Variants in PRKCH observed in about 807,000 individuals in gnomAD.
PRKCH encodes the protein protein kinase C eta type.
PRKCH carries 28 observed loss-of-function variants against 82.5 expected under a neutral mutation model. The ratio of observed to expected loss-of-function variants is 0.34; its 90% confidence interval spans 0.25 to 0.47. The LOEUF is 0.47. Among genes scored for constraint, PRKCH ranks in the 20% least tolerant of loss-of-function variants. The probability of loss-of-function intolerance (pLI) is 1.00; values close to 1 mark genes in which losing one functional copy is unlikely to be tolerated. For synonymous variants in PRKCH, 322 were observed against 327.4 expected, an observed-to-expected ratio of 0.98 and a Z score of 0.18; for missense variants, 705 against 881.8, an observed-to-expected ratio of 0.80 and a Z score of 2.54.
At chr14:61,528,982 G>GTGTGTGTGTA in intron 10 of PRKCH, 93 bp from the exon 11 acceptor site, 3 of 1,148,246 alleles carry the variant, frequency 2.6e-6, no homozygotes, top group Non-Finnish European at 3.7e-6. Context: ...ACGTGTGTGT[G>GTGTGTGTGTA]TGTGTGTGTG....
intron 2 of PRKCH, among the ~76,000 whole-genome samples, chr14:61,433,890 T>A (rs1258404403): frequency 6.6e-6 from 1 of 152,176 alleles, no homozygotes; most frequent in Non-Finnish European, 1.5e-5. Flanking sequence ...GTAATAAGAT[T>A]TATGATTTTT....
chr14:61,547,684 T>C, intron 12 of PRKCH, 59 bp from the exon 13 acceptor site: 2 of 1,572,002 alleles, frequency 1.3e-6, no homozygotes, highest in Non-Finnish European at 1.7e-6. Context: ...GCCTGCTGTC[T>C]TGTGACGTGC....
chr14:61,329,800 G>T (rs1345762816), intron 1 of PRKCH, among the ~76,000 whole-genome samples: 1 of 152,110 alleles, frequency 6.6e-6, no homozygotes, highest in Non-Finnish European at 1.5e-5. Context: ...CTCTTTTGCC[G>T]CTGTCTCCTC....
At chr14:61,211,910 GTTA>G (rs1309927138) in intron 1 of PRKCH, among the ~76,000 whole-genome samples, 3 of 152,204 alleles carry the variant, frequency 2.0e-5, no homozygotes, top group Non-Finnish European at 4.4e-5. Flanking sequence ...CAAGAGGGCA[GTTA>G]TTATAACTGG....
At position 61,322,113 on chromosome 14, in the gene PRKCH, C is replaced by T. The variant is rs1479681741; in HGVS notation, c.12C>T (p.Gly4=). ...GCAGCGGCGCCGGCATGTCGTCTGG[C>T]ACCATGAAGTTCAATGGCTATTTGA... is the stretch of plus-strand genomic sequence containing the variant. MSS[G]TMKFNGYLRV... The change falls in exon 1 of 14, where the codon GGC becomes GGT. Residue 4 remains glycine (G), a synonymous_variant. Transcript: ENST00000332981. 6.4e-7 allele frequency: 1 copy of T among 1,568,738 alleles called. No homozygotes were observed.
chr14:61,226,058 T>C (rs1451781415), intron 1 of PRKCH, among the ~76,000 whole-genome samples: 1 of 152,150 alleles, frequency 6.6e-6, no homozygotes, highest in Non-Finnish European at 1.5e-5. Context: ...GAAAATTCAT[T>C]TTACCGAAAT....
chr14:61,208,345 C>CA (rs906560078), intron 1 of PRKCH, among the ~76,000 whole-genome samples: 9 of 151,414 alleles, frequency 5.9e-5, no homozygotes, highest in Admixed American at 2.0e-4. Flanking sequence ...CTATAAGGGA[C>CA]AAAAAAAATT....
intron 1 of PRKCH, among the ~76,000 whole-genome samples, chr14:61,239,945 G>A (rs1290147845): frequency 6.6e-6 from 1 of 152,106 alleles, no homozygotes; most frequent in Non-Finnish European, 1.5e-5. Context: ...CCACACAATT[G>A]TATATTTTAC....
At chr14:61,331,529 AAAC>A (rs898734393) in intron 1 of PRKCH, among the ~76,000 whole-genome samples, 6 of 152,234 alleles carry the variant, frequency 3.9e-5, no homozygotes, top group Admixed American at 1.3e-4. Context: ...TCAAAAAAAG[AAAC>A]AACAACAACA....
intron 4 of PRKCH, among the ~76,000 whole-genome samples, chr14:61,446,871 G>C (rs1035244277): frequency 5.3e-5 from 8 of 152,218 alleles, no homozygotes; most frequent in African/African-American, 1.9e-4. Context: ...TAAAACATGG[G>C]ATTTAAGATA....
intron 2 of PRKCH, among the ~76,000 whole-genome samples, chr14:61,411,960 C>T (rs867766919): frequency 6.6e-6 from 1 of 152,168 alleles, no homozygotes. Context: ...GAGTAGAGTA[C>T]ATAGAAGGGC....
chr14:61,343,315 A>G (rs918031951), intron 1 of PRKCH, among the ~76,000 whole-genome samples: 3 of 151,266 alleles, frequency 2.0e-5, no homozygotes, highest in African/African-American at 7.3e-5. Context: ...ATTTTCCTAA[A>G]GAATGTCCCT....
chr14:61,197,785 T>C (rs1321736773), intron 1 of PRKCH, among the ~76,000 whole-genome samples: 2 of 152,200 alleles, frequency 1.3e-5, no homozygotes, highest in African/African-American at 2.4e-5. Context: ...GGCTGTTCAC[T>C]ATGCACACTT....
chr14:61,407,306 C>T (rs1355221427), intron 2 of PRKCH, among the ~76,000 whole-genome samples: 1 of 152,160 alleles, frequency 6.6e-6, no homozygotes, highest in Non-Finnish European at 1.5e-5. Context: ...AAATACCCTA[C>T]CATTCTGAAG....
chr14:61,235,911 C>T (rs930049166), intron 1 of PRKCH, among the ~76,000 whole-genome samples: 1 of 152,176 alleles, frequency 6.6e-6, no homozygotes, highest in Non-Finnish European at 1.5e-5. Flanking sequence ...GCACCCCCAA[C>T]CAGCTGAATG....
intron 1 of PRKCH, among the ~76,000 whole-genome samples, chr14:61,205,553 A>G (rs1020757829): frequency 2.6e-5 from 4 of 152,094 alleles, no homozygotes; most frequent in Non-Finnish European, 5.9e-5. Context: ...CCCTTAGCCC[A>G]CATCTGAGTT....
At chr14:61,365,781 G>A (rs1177059845) in intron 1 of PRKCH, among the ~76,000 whole-genome samples, 3 of 152,044 alleles carry the variant, frequency 2.0e-5, no homozygotes, top group Non-Finnish European at 4.4e-5. Flanking sequence ...TTCACATTTA[G>A]CTGAAGAAAC....
intron 1 of PRKCH, chr14:61,298,333 T>C (rs1030925654): frequency 6.6e-6 from 1 of 152,234 alleles, no homozygotes; most frequent in Non-Finnish European, 1.5e-5. Context: ...GTGCTCACTA[T>C]GCCCAACTTC....
intron 1 of PRKCH, among the ~76,000 whole-genome samples, chr14:61,193,616 C>A (rs1265450356): frequency 1.3e-5 from 2 of 152,090 alleles, no homozygotes; most frequent in Non-Finnish European, 2.9e-5. Flanking sequence ...GACACTAGTT[C>A]TTTCTCCCCA....
Sources: gnomAD v4.1 joint callset for allele counts (sites outside exome capture counted in the v4.1 genomes callset) on GRCh38, gnomAD v4.1.1 for gene constraint, MANE v1.5 for transcripts, NCBI Gene and HGNC (gene_info 2026-07-23, HGNC 2026-07-21) for gene names.